Variants in RAPGEF5 observed in about 807,000 individuals in gnomAD.
RAPGEF5 encodes Rap guanine nucleotide exchange factor 5.
RAPGEF5 carries 65 observed loss-of-function variants against 125.2 expected under a neutral mutation model. That is an observed-to-expected ratio of 0.52 (90% CI 0.43 to 0.64). RAPGEF5 has a LOEUF of 0.64. RAPGEF5 is among the 30% of genes least tolerant of loss of function. The probability of loss-of-function intolerance (pLI) is 0.00; values close to 1 mark genes in which losing one functional copy is unlikely to be tolerated. For missense variants in RAPGEF5, 958 were observed against 1,048.1 expected (o/e 0.91, Z 1.19); for synonymous variants, 391 against 385.9 (o/e 1.01, Z -0.16).
chr7:22,352,229 A>T (rs1023914364), intron 1 of RAPGEF5, among the ~76,000 whole-genome samples: 8 of 152,218 alleles, frequency 5.3e-5, no homozygotes, highest in Non-Finnish European at 7.3e-5. Context: ...GACAGTATAT[A>T]CAGAAAAAGG....
At chr7:22,261,308 G>T (rs1782149987) in intron 7 of RAPGEF5, among the ~76,000 whole-genome samples, 1 of 151,976 alleles carries the variant, frequency 6.6e-6, no homozygotes, top group African/African-American at 2.4e-5. Flanking sequence ...TAATAAAAAT[G>T]ATGTAAAACT....
chr7:22,298,324 T>C (rs1023401827), intron 5 of RAPGEF5, among the ~76,000 whole-genome samples: 1 of 152,002 alleles, frequency 6.6e-6, no homozygotes, highest in African/African-American at 2.4e-5. Flanking sequence ...ATTACAGCCA[T>C]GCACCACCAC....
intron 1 of RAPGEF5, among the ~76,000 whole-genome samples, chr7:22,334,845 A>G (rs1040706672): frequency 2.6e-5 from 4 of 152,186 alleles, no homozygotes; most frequent in African/African-American, 9.7e-5. Flanking sequence ...TAATCTCTAC[A>G]TTCTTCCTAT....
chr7:22,352,248 G>A (rs572326848), intron 1 of RAPGEF5, among the ~76,000 whole-genome samples: 1 of 152,284 alleles, frequency 6.6e-6, no homozygotes, highest in East Asian at 1.9e-4. Flanking sequence ...GGGAATAGCT[G>A]TTATCAGTTC....
chr7:22,195,176 A>G (rs1381415886), intron 9 of RAPGEF5, among the ~76,000 whole-genome samples: 2 of 152,188 alleles, frequency 1.3e-5, no homozygotes, highest in Non-Finnish European at 2.9e-5. Flanking sequence ...ATGAAAGAGG[A>G]TATCCCCACC....
chr7:22,202,154 G>A (rs972143864), intron 9 of RAPGEF5, among the ~76,000 whole-genome samples: 1 of 152,150 alleles, frequency 6.6e-6, no homozygotes. Context: ...ACAAAATCTA[G>A]TCCACTGTAG....
intron 1 of RAPGEF5, among the ~76,000 whole-genome samples, chr7:22,340,308 A>G (rs1784101498): frequency 6.6e-6 from 1 of 152,198 alleles, no homozygotes; most frequent in South Asian, 2.1e-4. Flanking sequence ...GGAGAACAAG[A>G]CAACAGGAAC....
chr7:22,285,148 G>T (rs576167675), intron 6 of RAPGEF5, among the ~76,000 whole-genome samples: 1 of 152,138 alleles, frequency 6.6e-6, no homozygotes, highest in South Asian at 2.1e-4. Flanking sequence ...CGGGAGCCGC[G>T]GCTCACAGCT....
At chr7:22,328,743 T>C (rs1045361215) in intron 1 of RAPGEF5, among the ~76,000 whole-genome samples, 6 of 152,236 alleles carry the variant, frequency 3.9e-5, no homozygotes, top group African/African-American at 1.4e-4. Context: ...TCTTCTCTAC[T>C]GGCCTCCCAC....
chr7:22,234,957 G>T (rs1013730654), intron 7 of RAPGEF5, among the ~76,000 whole-genome samples: 1 of 152,074 alleles, frequency 6.6e-6, no homozygotes, highest in African/African-American at 2.4e-5. Flanking sequence ...CTTTGTAAAG[G>T]TAAGAGCCCC....
intron 6 of RAPGEF5, among the ~76,000 whole-genome samples, chr7:22,272,948 T>A (rs949846046): frequency 6.6e-6 from 1 of 151,182 alleles, no homozygotes. Context: ...TTTGTACAGA[T>A]GGGGTTTCAC....
chr7:22,337,761 C>G (rs937622034), intron 1 of RAPGEF5, among the ~76,000 whole-genome samples: 1 of 152,160 alleles, frequency 6.6e-6, no homozygotes, highest in Non-Finnish European at 1.5e-5. Flanking sequence ...GCGTGATGGG[C>G]AAAGCCAGTG....
At chr7:22,334,684 T>C (rs1361512163) in intron 1 of RAPGEF5, among the ~76,000 whole-genome samples, 2 of 152,248 alleles carry the variant, frequency 1.3e-5, no homozygotes, top group Non-Finnish European at 2.9e-5. Flanking sequence ...TATTTTCCAC[T>C]CACTGTTCTA....
chr7:22,299,887 T>C (rs1378007879), intron 5 of RAPGEF5, among the ~76,000 whole-genome samples: 3 of 152,092 alleles, frequency 2.0e-5, no homozygotes. Context: ...AGGTAATGTG[T>C]CATTTTACTC....
At chr7:22,212,261 C>A (rs1419483326) in intron 9 of RAPGEF5, among the ~76,000 whole-genome samples, 1 of 152,206 alleles carries the variant, frequency 6.6e-6, no homozygotes, top group Admixed American at 6.5e-5. Flanking sequence ...GCGTGAGCCA[C>A]CACACCCGGC....
intron 7 of RAPGEF5, among the ~76,000 whole-genome samples, chr7:22,245,685 A>G (rs561653385): frequency 1.4e-4 from 22 of 152,208 alleles, no homozygotes; most frequent in African/African-American, 5.3e-4. Flanking sequence ...GGCTACTTCA[A>G]CTATTTGGCT....
At chr7:22,349,415 C>A (rs1364210205) in intron 1 of RAPGEF5, among the ~76,000 whole-genome samples, 2 of 124,030 alleles carry the variant, frequency 1.6e-5, no homozygotes, top group African/African-American at 6.3e-5. Context: ...TAGAGTGAGA[C>A]TCCATCCAAA....
At chr7:22,258,779 GA>G (rs1436659179) in intron 7 of RAPGEF5, among the ~76,000 whole-genome samples, 1 of 151,940 alleles carries the variant, frequency 6.6e-6, no homozygotes, top group Non-Finnish European at 1.5e-5. Flanking sequence ...AAGTGGTTCA[GA>G]AACAACTGGA....
intron 7 of RAPGEF5, among the ~76,000 whole-genome samples, chr7:22,231,564 T>C (rs1786057911): frequency 1.3e-5 from 2 of 152,208 alleles, no homozygotes; most frequent in African/African-American, 4.8e-5. Context: ...TGCCAGACTT[T>C]GGCTTATGTA....
Sources: gnomAD v4.1 joint callset for allele counts (sites outside exome capture counted in the v4.1 genomes callset) on GRCh38, gnomAD v4.1.1 for gene constraint, MANE v1.5 for transcripts, NCBI Gene and HGNC (gene_info 2026-07-23, HGNC 2026-07-21) for gene names.